The following GRM1 variants were observed in gnomAD, a reference collection of about 807,000 sequenced individuals.
GRM1 encodes the protein glutamate metabotropic receptor 1.
GRM1 carries 33 observed loss-of-function variants against 90.9 expected under a neutral mutation model. That is an observed-to-expected ratio of 0.36 (90% confidence interval 0.28 to 0.49). The LOEUF (loss-of-function observed/expected upper bound fraction) is 0.49, where lower values mean the gene tolerates loss of function less well. Ranked by LOEUF, GRM1 falls within the 20% of genes least tolerant of loss-of-function variation. The pLI, the probability that GRM1 is intolerant of heterozygous loss-of-function variation, is 0.99. For missense variants in GRM1, 1,190 were observed against 1,534.3 expected (o/e 0.78, Z 3.75); for synonymous variants, 700 against 613.2 (o/e 1.14, Z -2.09).
intron 1 of GRM1, among the ~76,000 whole-genome samples, chr6:146,079,616 G>A (rs1437616243): frequency 6.6e-6 from 1 of 152,038 alleles, no homozygotes; most frequent in Non-Finnish European, 1.5e-5. Context: ...AGAGTGTGTC[G>A]AACCTCCCTC....
chr6:146,391,219 A>G (rs1313900789), intron 6 of GRM1, among the ~76,000 whole-genome samples: 1 of 152,052 alleles, frequency 6.6e-6, no homozygotes, highest in African/African-American at 2.4e-5. Context: ...TCTTATAAGG[A>G]TCTTATAAGT....
intron 1 of GRM1, among the ~76,000 whole-genome samples, chr6:146,152,434 G>C (rs1777374108): frequency 6.6e-6 from 1 of 151,630 alleles, no homozygotes; most frequent in Non-Finnish European, 1.5e-5. Context: ...GCTCAGTACT[G>C]CTGCTGTATT....
At chr6:146,196,614 T>C (rs1251056246) in intron 2 of GRM1, among the ~76,000 whole-genome samples, 3 of 151,892 alleles carry the variant, frequency 2.0e-5, no homozygotes, top group African/African-American at 7.3e-5. Context: ...CGTTCAGTTG[T>C]TTTTAAAGTG....
At chr6:146,159,980 T>C (rs2128891245) in intron 2 of GRM1, 1 of 155,260 alleles carries the variant, frequency 6.4e-6, no homozygotes, top group Middle Eastern at 3.5e-3. Context: ...AACAAGATAC[T>C]GATACTTTTT....
chr6:146,048,144 A>G (rs1791401011), intron 1 of GRM1, among the ~76,000 whole-genome samples: 1 of 152,016 alleles, frequency 6.6e-6, no homozygotes, highest in Non-Finnish European at 1.5e-5. Context: ...GATTTCCTCC[A>G]TATCTTTGTA....
intron 1 of GRM1, among the ~76,000 whole-genome samples, chr6:146,044,542 C>T (rs774264155): frequency 2.0e-5 from 3 of 151,796 alleles, no homozygotes; most frequent in African/African-American, 7.3e-5. Flanking sequence ...TGGAAGACAC[C>T]CTATGTCTCT....
intron 3 of GRM1, among the ~76,000 whole-genome samples, chr6:146,312,293 A>G (rs2114945580): frequency 7.0e-6 from 1 of 142,842 alleles, no homozygotes; most frequent in African/African-American, 2.6e-5. Context: ...GTGAGCTGAC[A>G]TAGCGCCACT....
intron 1 of GRM1, among the ~76,000 whole-genome samples, chr6:146,099,694 G>C (rs562972876): frequency 6.6e-6 from 1 of 152,262 alleles, no homozygotes; most frequent in South Asian, 2.1e-4. Flanking sequence ...CCTTAGGTTG[G>C]TAAAATATAT....
intron 2 of GRM1, among the ~76,000 whole-genome samples, chr6:146,274,615 A>G (rs117202633): frequency 0.032 from 4,852 of 152,320 alleles, 119 homozygotes; most frequent in Non-Finnish European, 0.045. Context: ...GAAAGCAGAG[A>G]TTGCAATTAT....
chr6:146,147,380 G>A (rs1288683323), intron 1 of GRM1, among the ~76,000 whole-genome samples: 3 of 152,148 alleles, frequency 2.0e-5, no homozygotes, highest in Non-Finnish European at 4.4e-5. Flanking sequence ...TAAATGGAGA[G>A]AATTATGACA....
intron 6 of GRM1, among the ~76,000 whole-genome samples, chr6:146,395,536 T>G (rs897087657): frequency 6.6e-6 from 1 of 152,154 alleles, no homozygotes; most frequent in African/African-American, 2.4e-5. Context: ...ATTTAAACAT[T>G]TTTCTCCATC....
chr6:146,358,353 G>C (rs1371591705), intron 5 of GRM1, among the ~76,000 whole-genome samples: 3 of 152,286 alleles, frequency 2.0e-5, no homozygotes, highest in Non-Finnish European at 4.4e-5. Flanking sequence ...AAAGCATGGA[G>C]GCAACACTCT....
At chr6:146,284,167 C>T (rs1454523690) in intron 2 of GRM1, among the ~76,000 whole-genome samples, 2 of 152,068 alleles carry the variant, frequency 1.3e-5, no homozygotes, top group African/African-American at 4.8e-5. Context: ...TATGAGAAGA[C>T]TCATAGTCAC....
chr6:146,066,642 T>C (rs1775857767), intron 1 of GRM1, among the ~76,000 whole-genome samples: 1 of 152,192 alleles, frequency 6.6e-6, no homozygotes, highest in Non-Finnish European at 1.5e-5. Flanking sequence ...TTGCTCTCTA[T>C]GGTGAATGAA....
chr6:146,332,838 C>A (rs1483464707), intron 3 of GRM1, among the ~76,000 whole-genome samples: 1 of 152,138 alleles, frequency 6.6e-6, no homozygotes. Context: ...AGCTTGGCGA[C>A]CCTGCCATCT....
chr6:146,190,816 G>A (rs1034249455), intron 2 of GRM1, among the ~76,000 whole-genome samples: 2 of 151,986 alleles, frequency 1.3e-5, no homozygotes, highest in Non-Finnish European at 2.9e-5. Flanking sequence ...GCTGAGCATT[G>A]CAATTTTCTC....
At chr6:146,076,312 T>C (rs1776185156) in intron 1 of GRM1, among the ~76,000 whole-genome samples, 1 of 152,164 alleles carries the variant, frequency 6.6e-6, no homozygotes, top group Admixed American at 6.6e-5. Context: ...GGGATTTGAT[T>C]TATGTCTTAA....
chr6:146,415,544 C>T, intron 7 of GRM1, among the ~76,000 whole-genome samples: 1 of 152,220 alleles, frequency 6.6e-6, no homozygotes, highest in South Asian at 2.1e-4. Flanking sequence ...TGAACCCTCT[C>T]TATTCTGTTC....
intron 2 of GRM1, among the ~76,000 whole-genome samples, chr6:146,191,943 G>A (rs1346594586): frequency 6.6e-6 from 1 of 152,144 alleles, no homozygotes; most frequent in Admixed American, 6.5e-5. Context: ...CTGGGGAAAG[G>A]ACTATTTATC....
Sources: allele counts gnomAD v4.1 joint callset (sites outside exome capture counted in the v4.1 genomes callset), GRCh38; gene constraint gnomAD v4.1.1; transcripts MANE v1.5; gene names NCBI Gene and HGNC (gene_info 2026-07-23, HGNC 2026-07-21).